Variants in TSC22D3 observed in about 807,000 individuals in gnomAD.
TSC22D3 encodes the protein TSC22 domain family member 3, also known as TSC22 domain family protein 3.
In TSC22D3, 4 loss-of-function variants were observed where a neutral mutation model predicts 11.1. The observed-to-expected ratio is 0.36, with a 90% CI of 0.18 to 0.83. The LOEUF is 0.83. TSC22D3 is among the 40% of genes least tolerant of loss of function. The pLI, the probability that TSC22D3 is intolerant of heterozygous loss-of-function variation, is 0.48. For synonymous variants in TSC22D3, 77 were observed against 70.3 expected (o/e 1.10, Z -0.48); for missense variants, 118 against 159.4 (o/e 0.74, Z 1.40).
At chrX:107,731,237 A>G (rs1927867364) in intron 1 of TSC22D3, among the ~76,000 whole-genome samples, 1 of 112,058 alleles carries the variant, frequency 8.9e-6, no homozygotes, top group Admixed American at 9.5e-5. Context: ...CTGTGACTCT[A>G]GGTAAGGCTG....
At chrX:107,717,165 T>A (rs1165186590) in intron 1 of TSC22D3, 1 of 672,192 alleles carries the variant, frequency 1.5e-6, no homozygotes, top group Non-Finnish European at 1.8e-6. Context: ...TGTGGCCCAG[T>A]TAAACCACAT....
chrX:107,733,892 C>T (rs1286291945), intron 1 of TSC22D3, among the ~76,000 whole-genome samples: 3 of 111,924 alleles, frequency 2.7e-5, no homozygotes, highest in Non-Finnish European at 5.6e-5. Flanking sequence ...GCCTGCCCCA[C>T]CTCTAGGTTC....
intron 2 of TSC22D3, 124 bp from the exon 3 acceptor site, chrX:107,714,873 G>A (rs111713496): frequency 3.7e-5 from 24 of 645,427 alleles, no homozygotes; most frequent in Non-Finnish European, 5.6e-5. Context: ...CCTTCCCTCA[G>A]TGAACTGGTC....
At chrX:107,721,680 G>A (rs1466164299) in intron 1 of TSC22D3, among the ~76,000 whole-genome samples, 1 of 112,012 alleles carries the variant, frequency 8.9e-6, no homozygotes, top group East Asian at 2.8e-4. Flanking sequence ...TGCGAGAGGT[G>A]CGGGAGAAGC....
chrX:107,745,454 G>C (rs1457058169), intron 1 of TSC22D3, among the ~76,000 whole-genome samples: 1 of 112,360 alleles, frequency 8.9e-6, no homozygotes, highest in Non-Finnish European at 1.9e-5. Context: ...GTTTACCTAT[G>C]AGAAGATACA....
chrX:107,742,318 A>T (rs9782171), intron 1 of TSC22D3, among the ~76,000 whole-genome samples: 1,818 of 38,137 alleles, frequency 0.048, 60 homozygotes, highest in African/African-American at 0.17. Flanking sequence ...AGAGAGAGAG[A>T]GTGTGTGTGC....
intron 1 of TSC22D3, among the ~76,000 whole-genome samples, chrX:107,770,367 T>C (rs1269792107): frequency 9.2e-6 from 1 of 108,504 alleles, no homozygotes; most frequent in African/African-American, 3.5e-5. Context: ...ATGAAATTAC[T>C]TGTTCTGAGA....
chrX:107,718,508 T>C (rs983640220), intron 1 of TSC22D3, among the ~76,000 whole-genome samples: 12 of 113,214 alleles, frequency 1.1e-4, no homozygotes, highest in African/African-American at 3.5e-4. Context: ...AATTATTGTT[T>C]GCTTCAGGAC....
chrX:107,770,528 ATC>A (rs1374821990), intron 1 of TSC22D3, among the ~76,000 whole-genome samples: 2 of 112,006 alleles, frequency 1.8e-5, no homozygotes, highest in African/African-American at 6.5e-5. Context: ...TGCTATTTTT[ATC>A]ATTTTCTGAG....
chrX:107,727,696 A>G (rs1479024299), intron 1 of TSC22D3, among the ~76,000 whole-genome samples: 2 of 112,018 alleles, frequency 1.8e-5, no homozygotes, highest in Non-Finnish European at 3.8e-5. Flanking sequence ...CCCCAAGTGA[A>G]CAGCCCTTTT....
chrX:107,762,427 C>G (rs190198533), intron 1 of TSC22D3, among the ~76,000 whole-genome samples: 74 of 112,177 alleles, frequency 6.6e-4, no homozygotes, highest in African/African-American at 2.2e-3. Context: ...ATTTCATTGA[C>G]ATTTTTATTA....
At chrX:107,715,666 A>T (rs1020261665) in intron 2 of TSC22D3, 2 of 454,975 alleles carry the variant, frequency 4.4e-6, no homozygotes, top group African/African-American at 4.8e-5. Context: ...TGCGGCAAAG[A>T]CCTGAGATGG....
intron 1 of TSC22D3, among the ~76,000 whole-genome samples, chrX:107,744,622 T>G (rs1189717140): frequency 8.9e-6 from 1 of 112,746 alleles, no homozygotes; most frequent in Admixed American, 9.4e-5. Context: ...ATGACTGTGA[T>G]ACACATGAAA....
intron 1 of TSC22D3, among the ~76,000 whole-genome samples, chrX:107,768,824 T>C (rs1010796633): frequency 8.9e-6 from 1 of 112,880 alleles, no homozygotes; most frequent in African/African-American, 3.2e-5. Flanking sequence ...TAAAAAGGTA[T>C]GCTAGACCTT....
At chrX:107,723,398 C>T (rs995141811) in intron 1 of TSC22D3, among the ~76,000 whole-genome samples, 1 of 112,550 alleles carries the variant, frequency 8.9e-6, no homozygotes, top group Non-Finnish European at 1.9e-5. Flanking sequence ...CTCACCTCTC[C>T]GTGCCAACTT....
At chrX:107,724,322 G>A (rs141240940) in intron 1 of TSC22D3, among the ~76,000 whole-genome samples, 1,838 of 113,088 alleles carry the variant, frequency 0.016, 35 homozygotes, top group African/African-American at 0.055. Context: ...CCAACCATGG[G>A]AACAGCACCA....
At chrX:107,743,270 A>G (rs781217655) in intron 1 of TSC22D3, among the ~76,000 whole-genome samples, 1 of 111,698 alleles carries the variant, frequency 9.0e-6, no homozygotes, top group Non-Finnish European at 1.9e-5. Flanking sequence ...ACAACCCCCC[A>G]TACCCCCAAC....
intron 1 of TSC22D3, among the ~76,000 whole-genome samples, chrX:107,762,997 C>A (rs1929510279): frequency 9.2e-6 from 1 of 108,801 alleles, no homozygotes; most frequent in Admixed American, 9.8e-5. Context: ...TCTGGGATTA[C>A]AAGTGCCCAC....
intron 1 of TSC22D3, among the ~76,000 whole-genome samples, chrX:107,724,420 G>A (rs761366186): frequency 1.8e-5 from 2 of 113,167 alleles, no homozygotes; most frequent in Non-Finnish European, 3.7e-5. Context: ...ACAACTTCTC[G>A]GAAGAAAGAG....
Sources: allele counts gnomAD v4.1 joint callset (sites outside exome capture counted in the v4.1 genomes callset), GRCh38; gene constraint gnomAD v4.1.1; transcripts MANE v1.5; gene names NCBI Gene and HGNC (gene_info 2026-07-23, HGNC 2026-07-21).